NLRP5: variants seen among roughly 807,000 people sequenced by gnomAD.
NLRP5 encodes the protein NACHT, LRR and PYD domains-containing protein 5.
Under a neutral mutation model 113.1 loss-of-function variants are expected in NLRP5, and 93 were observed. The ratio of observed to expected loss-of-function variants is 0.82; its 90% CI spans 0.70 to 0.98. The LOEUF (loss-of-function observed/expected upper bound fraction) is 0.98. Among genes scored for constraint, NLRP5 ranks in the 50% least tolerant of loss-of-function variants. The pLI is 0.00. For missense variants in NLRP5, 1,808 were observed against 1,514.3 expected (o/e 1.19, Z -3.22); for synonymous variants, 751 against 600.7 (o/e 1.25, Z -3.66).
intron 12 of NLRP5, among the ~76,000 whole-genome samples, chr19:56,052,563 C>T (rs922948426): frequency 9.9e-5 from 15 of 152,184 alleles, no homozygotes; most frequent in African/African-American, 3.4e-4. Context: ...AGCCACTGTA[C>T]CCAGCCTGCA....
chr19:56,054,904 T>C (rs1007986522), intron 13 of NLRP5, among the ~76,000 whole-genome samples: 10 of 152,030 alleles, frequency 6.6e-5, no homozygotes, highest in African/African-American at 2.4e-4. Flanking sequence ...TAGTCTTGTA[T>C]GTGTGCTGCT....
the NLRP5 span, among the ~76,000 whole-genome samples, chr19:55,990,803 C>T: frequency 3.3e-5 from 5 of 151,868 alleles, no homozygotes; most frequent in South Asian, 2.1e-4. Context: ...CCAGCCTGGG[C>T]GACGGAGCAA....
chr19:56,039,991 A>G (rs1983460118), intron 10 of NLRP5, among the ~76,000 whole-genome samples: 2 of 152,090 alleles, frequency 1.3e-5, no homozygotes, highest in Admixed American at 1.3e-4. Context: ...GGTCTTGCTC[A>G]CTGTTCTGGA....
the NLRP5 span, among the ~76,000 whole-genome samples, chr19:55,991,870 CTTTT>C: frequency 5.9e-5 from 9 of 152,106 alleles, no homozygotes; most frequent in Admixed American, 4.6e-4. Context: ...AGCTAACATT[CTTTT>C]TTTACTTTTT....
At chr19:56,024,139 T>C (rs371874636) in intron 6 of NLRP5, among the ~76,000 whole-genome samples, 15 of 152,086 alleles carry the variant, frequency 9.9e-5, no homozygotes, top group East Asian at 3.9e-4. Flanking sequence ...AAAATAATTA[T>C]AGTTTGTGAT....
In NLRP5 at chr19:56,028,316, C is replaced by G. The variant is rs1469077350; in HGVS notation, c.2083C>G (p.Gln695Glu). The change falls in exon 7 of 15, where the codon CAA becomes GAA. Residue 695 changes from glutamine (Q) to glutamate (E), a missense_variant. Transcript: ENST00000390649. ...CGCCTTCCACTGTCTTTTCGAGACTCAAGACAAAGAGTTTGTTCGCTTGGC... is the reference window on the plus strand; with the variant it reads ...CGCCTTCCACTGTCTTTTCGAGACTGAAGACAAAGAGTTTGTTCGCTTGGC... 1.9e-6 allele frequency: 3 copies of G among 1,613,958 alleles called. No individual in the cohort carries two copies. Among genetic ancestry groups the G allele is most frequent in the Non-Finnish European group, 2.5e-6 (3 of 1,179,882 alleles).
intron 11 of NLRP5, among the ~76,000 whole-genome samples, chr19:56,044,255 G>C (rs1037456485): frequency 4.6e-5 from 7 of 151,722 alleles, no homozygotes; most frequent in African/African-American, 1.5e-4. Context: ...GTAGAGACGG[G>C]GTTTCACTGT....
intron 11 of NLRP5, among the ~76,000 whole-genome samples, chr19:56,048,081 T>G (rs1026186555): frequency 6.6e-6 from 1 of 152,214 alleles, no homozygotes; most frequent in Non-Finnish European, 1.5e-5. Context: ...AAATGCCTTT[T>G]TGTACCCCTT....
the NLRP5 span, chr19:55,987,780 C>A: frequency 6.6e-7 from 1 of 1,520,718 alleles, no homozygotes; most frequent in Non-Finnish European, 9.1e-7. Flanking sequence ...CAGAAAATAA[C>A]CTCAACCAGC....
the NLRP5 span, among the ~76,000 whole-genome samples, chr19:55,992,505 T>A: frequency 1.8e-4 from 27 of 152,318 alleles, no homozygotes; most frequent in African/African-American, 6.3e-4. Context: ...AGCTTTCCAT[T>A]TTTTCCTGCA....
intron 13 of NLRP5, among the ~76,000 whole-genome samples, chr19:56,055,531 C>T (rs371165273): frequency 7.0e-5 from 5 of 71,240 alleles, no homozygotes; most frequent in Admixed American, 1.6e-4. Context: ...ATTTTTCTTT[C>T]TCTGTCTTTT....
At chr19:56,055,645 A>C (rs1416252648) in intron 13 of NLRP5, among the ~76,000 whole-genome samples, 2 of 133,950 alleles carry the variant, frequency 1.5e-5, no homozygotes, top group East Asian at 2.2e-4. Context: ...TCCCAGGTTC[A>C]CCCCATTCTC....
Position 56,004,006 on chromosome 19 carries a change from G to A in NLRP5, c.353G>A (p.Gly118Glu). The A allele has an allele frequency of 1.2e-6, 2 of 1,613,936 alleles. No individual in the cohort carries two copies. The highest frequency in any genetic ancestry group is 1.7e-6 in the Non-Finnish European group (2 of 1,179,888). The change falls in exon 2 of 15, where the codon GGA becomes GAA. Residue 118 changes from glycine to glutamate, a missense_variant. By Grantham distance (98) the Gly-to-Glu change is moderately conservative. Coordinates refer to ENST00000390649, the MANE Select transcript of NLRP5 (RefSeq NM_153447.4). ...GCACTCCTCTTGCATGAGTATTATG[G>A]AGCATCGCTGGCCTGGGCTACGTCC...
intron 6 of NLRP5, among the ~76,000 whole-genome samples, chr19:56,021,316 C>CT (rs1161257072): frequency 1.3e-5 from 2 of 152,236 alleles, no homozygotes; most frequent in East Asian, 3.9e-4. Flanking sequence ...TTGATTGAGG[C>CT]TTTTTTGTTG....
upstream of NLRP5, among the ~76,000 whole-genome samples, chr19:55,999,206 C>CTT (rs1487712501): frequency 8.2e-6 from 1 of 121,380 alleles, no homozygotes; most frequent in Admixed American, 8.9e-5. Context: ...CTTTTTTTTT[C>CTT]TTTTTCTTTT....
upstream of NLRP5, among the ~76,000 whole-genome samples, chr19:55,998,714 G>GTGTGTA (rs796632835): frequency 1.3e-3 from 99 of 75,990 alleles, 7 homozygotes; most frequent in South Asian, 0.05. Context: ...GTGTGTGTGT[G>GTGTGTA]TATATATATA....
chr19:56,012,593 C>A (rs1982240493), intron 3 of NLRP5, among the ~76,000 whole-genome samples: 1 of 141,682 alleles, frequency 7.1e-6, no homozygotes, highest in Non-Finnish European at 1.5e-5. Context: ...AAAAAAAAAT[C>A]CTTCAGCAGA....
At chr19:56,008,329 G>A (rs7252935) in intron 2 of NLRP5, among the ~76,000 whole-genome samples, 46,854 of 151,728 alleles carry the variant, frequency 0.31, 7,608 homozygotes, top group East Asian at 0.58. Context: ...GGGTTCCATG[G>A]CCTCACCCCA....
Position 56,006,961 on chromosome 19 carries a change from G to A in NLRP5, c.443-1827G>A, listed in dbSNP as rs183736644. On this transcript the variant is annotated intron_variant, in intron 2 of 14. Transcript: ENST00000390649. ...TCACCTTGTTAGCCAGGATGGTCTC[G>A]ATCTCCCGACCTTGTGATCCACCCA... 3.4e-3 allele frequency among the ~76,000 whole-genome samples: 512 copies of A among 151,144 alleles called. 17 individuals carry two copies. Among genetic ancestry groups the A allele is most frequent in the African/African-American group, 9.2e-3 (378 of 40,942 alleles).
Sources: allele counts gnomAD v4.1 joint callset (sites outside exome capture counted in the v4.1 genomes callset), GRCh38; gene constraint gnomAD v4.1.1; transcripts MANE v1.5; gene names NCBI Gene and HGNC (gene_info 2026-07-23, HGNC 2026-07-21).